Variants in CCNY observed in about 807,000 individuals in gnomAD.
CCNY encodes cyclin-Y.
In CCNY, 19 loss-of-function variants were observed where a neutral mutation model predicts 42.8. The observed-to-expected ratio is 0.44, with a 90% CI of 0.31 to 0.65. CCNY has a LOEUF of 0.65. CCNY is among the 30% of genes least tolerant of loss of function. The probability of loss-of-function intolerance (pLI) is 0.07; values close to 1 mark genes in which losing one functional copy is unlikely to be tolerated. For missense variants in CCNY, 370 were observed against 437.3 expected (o/e 0.85, Z 1.37); for synonymous variants, 165 against 162.7 (o/e 1.01, Z -0.11).
chr10:35,426,231 C>T (rs1482749544), intron 1 of CCNY, among the ~76,000 whole-genome samples: 1 of 147,458 alleles, frequency 6.8e-6, no homozygotes, highest in Non-Finnish European at 1.5e-5. Context: ...GCATACATGC[C>T]CATTCACACA....
chr10:35,474,928 T>G (rs1184560843), intron 1 of CCNY, among the ~76,000 whole-genome samples: 4 of 151,406 alleles, frequency 2.6e-5, no homozygotes, highest in African/African-American at 9.7e-5. Context: ...ATAACTAGAA[T>G]AACCAATACA....
At chr10:35,490,628 C>T (rs1839877120) in intron 2 of CCNY, among the ~76,000 whole-genome samples, 1 of 152,214 alleles carries the variant, frequency 6.6e-6, no homozygotes, top group African/African-American at 2.4e-5. Context: ...ACTGTGATAT[C>T]TGTAAACCCA....
chr10:35,370,450 C>T (rs1352333345), intron 1 of CCNY, among the ~76,000 whole-genome samples: 2 of 151,808 alleles, frequency 1.3e-5, no homozygotes, highest in Non-Finnish European at 1.5e-5. Flanking sequence ...CGCGCCCGGC[C>T]GTTCCTCATC....
At chr10:35,533,920 T>C (rs868569559) in intron 7 of CCNY, among the ~76,000 whole-genome samples, 1 of 152,214 alleles carries the variant, frequency 6.6e-6, no homozygotes, top group Non-Finnish European at 1.5e-5. Flanking sequence ...CTGAAGTACA[T>C]GGTGGTGATG....
intron 3 of CCNY, among the ~76,000 whole-genome samples, chr10:35,323,452 T>G (rs1299838344): frequency 1.3e-5 from 2 of 152,196 alleles, no homozygotes; most frequent in African/African-American, 4.8e-5. Flanking sequence ...TACTCAGTGA[T>G]AAACAGAAAT....
chr10:35,458,291 C>G (rs1427905151), intron 1 of CCNY, among the ~76,000 whole-genome samples: 1 of 152,182 alleles, frequency 6.6e-6, no homozygotes, highest in Non-Finnish European at 1.5e-5. Flanking sequence ...TTCCCTCTTC[C>G]AAGGGTGGAG....
chr10:35,519,902 C>T (rs1299028328), intron 4 of CCNY, among the ~76,000 whole-genome samples: 3 of 149,586 alleles, frequency 2.0e-5, no homozygotes, highest in Admixed American at 6.7e-5. Context: ...CTTAGCCTTC[C>T]GAGTAGCTGG....
intron 3 of CCNY, among the ~76,000 whole-genome samples, chr10:35,330,559 G>A (rs1414381536): frequency 6.6e-6 from 1 of 152,080 alleles, no homozygotes. Context: ...GATTACATTT[G>A]CCTGCATACA....
intron 3 of CCNY, among the ~76,000 whole-genome samples, chr10:35,290,747 A>G (rs777290844): frequency 1.3e-5 from 2 of 152,124 alleles, no homozygotes; most frequent in Non-Finnish European, 2.9e-5. Flanking sequence ...GGATTGCTTG[A>G]GGTCAGGAGT....
intron 3 of CCNY, among the ~76,000 whole-genome samples, chr10:35,511,481 G>A (rs1840324586): frequency 6.6e-6 from 1 of 152,168 alleles, no homozygotes; most frequent in African/African-American, 2.4e-5. Flanking sequence ...TCAGGGAGGG[G>A]AAAAGGTCTG....
rs35693357 is a variant in CCNY, at chr10:35,383,953, AAT to A, written c.154+46763_154+46764del. On this transcript the variant is annotated intron_variant, in intron 1 of 9. Coordinates refer to ENST00000374704, the MANE Select transcript of CCNY (RefSeq NM_145012.6). Reference sequence around the variant, plus strand: ...ATGCATTGTGGGGAATGAGAGTAAGAATATATATATATATATATTAAGTAACA... The same window carrying A: ...ATGCATTGTGGGGAATGAGAGTAAGAATATATATATATATATTAAGTAACA... Among the ~76,000 whole-genome samples, 597 of 141,580 alleles carry A rather than the reference AAT, an allele frequency of 4.2e-3. 4 individuals carry two copies. Among genetic ancestry groups the A allele is most frequent in the African/African-American group, 0.014 (487 of 34,458 alleles). 92.9% of individuals were successfully genotyped at this position (141,580 alleles called of 152,430 possible).
intron 3 of CCNY, among the ~76,000 whole-genome samples, chr10:35,510,797 G>T (rs1025398673): frequency 3.1e-4 from 47 of 152,156 alleles, no homozygotes; most frequent in African/African-American, 1.1e-3. Flanking sequence ...ATTACGAAAG[G>T]GGTTACTATT....
chr10:35,371,186 C>T lies in CCNY; in HGVS notation c.154+33979C>T, dbSNP rs1836927904. On this transcript the variant is annotated intron_variant, in intron 1 of 9. Transcript: ENST00000374704. ...GGATCATGTTGGTAGTACCACCGCC[C>T]AGCCCAGTGCTGGGATACAGAAGCA... 2.0e-5 allele frequency among the ~76,000 whole-genome samples: 3 copies of T among 152,190 alleles called. No homozygotes were observed. The South Asian group carries it at 6.2e-4, about 32-fold the overall frequency.
chr10:35,384,839 G>A (rs1837269917), intron 1 of CCNY, among the ~76,000 whole-genome samples: 1 of 152,154 alleles, frequency 6.6e-6, no homozygotes, highest in African/African-American at 2.4e-5. Flanking sequence ...CAGCAGGCCT[G>A]CCGTCTGAGA....
At chr10:35,460,866 C>T (rs1029974028) in intron 1 of CCNY, among the ~76,000 whole-genome samples, 1 of 152,152 alleles carries the variant, frequency 6.6e-6, no homozygotes, top group African/African-American at 2.4e-5. Context: ...AAGTGATGCT[C>T]CATGCCAAGC....
At position 35,517,722 on chromosome 10, in the gene CCNY, C is replaced by T. The variant is rs1840458899; in HGVS notation, c.365+1099C>T. Among the ~76,000 whole-genome samples, 3 of 152,210 alleles carry T rather than the reference C, an allele frequency of 2.0e-5. No homozygotes were observed. In the South Asian group the frequency reaches 6.2e-4, roughly 32 times the overall value. The stretch of plus-strand genomic sequence containing the variant: ...GGCAATGCAGCCTCTTCCTTACTTC[C>T]TCAGCACCGGAGTGCACGGGAAGTG... On this transcript the variant is annotated intron_variant, in intron 4 of 9. Transcript: ENST00000374704.
intron 1 of CCNY, among the ~76,000 whole-genome samples, chr10:35,452,503 GTAAA>G (rs1323578829): frequency 6.6e-6 from 1 of 152,106 alleles, no homozygotes; most frequent in Non-Finnish European, 1.5e-5. Flanking sequence ...CTATTCAGAG[GTAAA>G]TAGAGTTAAC....
At chr10:35,545,251 G>A (rs140000477) in intron 7 of CCNY, among the ~76,000 whole-genome samples, 141 of 152,312 alleles carry the variant, frequency 9.3e-4, no homozygotes, top group Middle Eastern at 3.4e-3. Context: ...GGAGGGAGCC[G>A]TCAAGGTCTT....
chr10:35,561,926 GGCA>G (rs1841474309), intron 8 of CCNY, among the ~76,000 whole-genome samples: 1 of 152,248 alleles, frequency 6.6e-6, no homozygotes, highest in Admixed American at 6.5e-5. Flanking sequence ...GTTAGCTTCA[GGCA>G]GACCTCATGT....
Sources: gnomAD v4.1 joint callset for allele counts (sites outside exome capture counted in the v4.1 genomes callset) on GRCh38, gnomAD v4.1.1 for gene constraint, MANE v1.5 for transcripts, NCBI Gene and HGNC (gene_info 2026-07-23, HGNC 2026-07-21) for gene names.